ALPK2: variants seen among roughly 807,000 people sequenced by gnomAD.
The protein encoded by ALPK2 is alpha kinase 2.
ALPK2 carries 127 observed loss-of-function variants against 163.1 expected under a neutral mutation model. The ratio of observed to expected loss-of-function variants is 0.78; its 90% confidence interval spans 0.67 to 0.90. The LOEUF (loss-of-function observed/expected upper bound fraction) is 0.90. Ranked by LOEUF, ALPK2 falls within the 40% of genes least tolerant of loss-of-function variation. The probability of loss-of-function intolerance (pLI) is 0.00; values close to 1 mark genes in which losing one functional copy is unlikely to be tolerated. For synonymous variants in ALPK2, 953 were observed against 959.1 expected (o/e 0.99, Z 0.12); for missense variants, 2,360 against 2,589.6 (o/e 0.91, Z 1.92).
intron 3 of ALPK2, chr18:58,600,525 G>A (rs1339871574): frequency 1.3e-5 from 2 of 152,206 alleles, no homozygotes; most frequent in African/African-American, 4.8e-5. Context: ...TCAAACCAGA[G>A]TATCTTGAGG....
intron 1 of ALPK2, among the ~76,000 whole-genome samples, chr18:58,623,845 C>G (rs192705264): frequency 6.6e-6 from 1 of 151,878 alleles, no homozygotes; most frequent in African/African-American, 2.4e-5. Context: ...TTAAAGCATG[C>G]CCATCCTAAT....
chr18:58,488,017 T>G (rs1277543980), intron 12 of ALPK2, among the ~76,000 whole-genome samples: 1 of 152,164 alleles, frequency 6.6e-6, no homozygotes, highest in Non-Finnish European at 1.5e-5. Flanking sequence ...TGGAATTTTC[T>G]GCATTTCTAC....
intron 1 of ALPK2, among the ~76,000 whole-genome samples, chr18:58,625,243 C>T (rs1013266283): frequency 6.6e-6 from 1 of 151,900 alleles, no homozygotes; most frequent in African/African-American, 2.4e-5. Flanking sequence ...ATATTGTCCC[C>T]ACACTCAGTG....
Position 58,504,160 on chromosome 18 carries a change from G to A in ALPK2, c.6030-12C>T. 6.2e-7 allele frequency: 1 copy of A among 1,608,424 alleles called. No individual in the cohort carries two copies. Among genetic ancestry groups the A allele is most frequent in the Non-Finnish European group, 8.5e-7 (1 of 1,175,028 alleles). ...AAATAGGAATGATCCTGGCAGGGAA[G>A]AGAACACAGGCGCACATCAAGGTCT... On this transcript the variant is annotated splice_polypyrimidine_tract_variant and intron_variant, in intron 10 of 12. Transcript: ENST00000361673.
intron 4 of ALPK2, among the ~76,000 whole-genome samples, chr18:58,572,747 A>G (rs1018604776): frequency 1.4e-4 from 21 of 152,190 alleles, no homozygotes; most frequent in Admixed American, 9.8e-4. Context: ...ATGGTTATTA[A>G]GGGTAATGCA....
intron 8 of ALPK2, among the ~76,000 whole-genome samples, chr18:58,522,901 C>T (rs1188157927): frequency 1.3e-5 from 2 of 151,512 alleles, no homozygotes; most frequent in African/African-American, 2.4e-5. Context: ...ATTGTCATTT[C>T]TTTCTCTTTT....
intron 2 of ALPK2, 94 bp from the exon 3 acceptor site, chr18:58,607,533 A>C (rs959405507): frequency 1.4e-6 from 1 of 734,428 alleles, no homozygotes; most frequent in Non-Finnish European, 2.2e-6. Flanking sequence ...ATGGACAGTA[A>C]GCAACAGGGA....
chr18:58,573,119 C>T (rs1602224116), intron 4 of ALPK2, among the ~76,000 whole-genome samples: 1 of 151,612 alleles, frequency 6.6e-6, no homozygotes, highest in Middle Eastern at 3.4e-3. Flanking sequence ...AAACATTATA[C>T]TTAGTGTATT....
At chr18:58,602,595 TC>T (rs2144222625) in intron 3 of ALPK2, among the ~76,000 whole-genome samples, 1 of 152,280 alleles carries the variant, frequency 6.6e-6, no homozygotes, top group Admixed American at 6.5e-5. Context: ...GGCTCTGTTT[TC>T]CCTTTTTAAA....
At chr18:58,609,921 G>A (rs2052118736) in intron 2 of ALPK2, among the ~76,000 whole-genome samples, 1 of 152,172 alleles carries the variant, frequency 6.6e-6, no homozygotes, top group South Asian at 2.1e-4. Flanking sequence ...GACCATCACG[G>A]AGACAGAAGC....
intron 3 of ALPK2, among the ~76,000 whole-genome samples, chr18:58,588,878 T>C (rs573555437): frequency 6.6e-6 from 1 of 152,332 alleles, no homozygotes; most frequent in South Asian, 2.1e-4. Flanking sequence ...CTATTGTGAA[T>C]GGTGCTGCAA....
intron 4 of ALPK2, among the ~76,000 whole-genome samples, chr18:58,565,473 C>T (rs1477650393): frequency 6.6e-6 from 1 of 152,118 alleles, no homozygotes; most frequent in African/African-American, 2.4e-5. Context: ...CCTAATTACT[C>T]ATAAGGTTGA....
At chr18:58,497,411 A>C (rs1477497448) in intron 12 of ALPK2, among the ~76,000 whole-genome samples, 1 of 152,194 alleles carries the variant, frequency 6.6e-6, no homozygotes, top group Non-Finnish European at 1.5e-5. Context: ...CAGTCAAGTA[A>C]AGAAGTGGGA....
At chr18:58,482,238 A>G (rs1002104545) in intron 12 of ALPK2, among the ~76,000 whole-genome samples, 199 bp from the exon 13 acceptor site, 7 of 152,218 alleles carry the variant, frequency 4.6e-5, no homozygotes, top group Non-Finnish European at 8.8e-5. Context: ...AAAGGCAAAG[A>G]TCTGCTGGCA....
chr18:58,583,054 G>A (rs1038080132), intron 3 of ALPK2, among the ~76,000 whole-genome samples: 2 of 152,148 alleles, frequency 1.3e-5, no homozygotes, highest in Admixed American at 6.5e-5. Flanking sequence ...GAAAAGACCT[G>A]GAAAGGGAAG....
rs2051572086 is a variant in ALPK2, at chr18:58,524,162, CAT to C, written c.5502-102_5502-101del. On this transcript the variant is annotated intron_variant, in intron 6 of 12. Transcript: ENST00000361673. ...AAAGAAGCTAAGACTTCCCTGCTCA[CAT>C]GTTTTCAGCCAGTGAGCTGCCCAAA... is the stretch of plus-strand genomic sequence containing the variant. The C allele has an allele frequency of 9.5e-6, 14 of 1,474,918 alleles. No individual in the cohort carries two copies. In the South Asian group the frequency reaches 1.6e-4, roughly 16 times the overall value. The allele number at this position is 1,474,918 out of a possible 1,614,324, so 91.4% of individuals were successfully genotyped here.
Position 58,611,901 on chromosome 18 carries a change from C to T in ALPK2, c.-20-84G>A. ...TAGGAATTCCAGAAACCACAGGGTGCCGCCCTGGCAGCTCACTGCACGCTG... is the reference window on the plus strand; with the variant it reads ...TAGGAATTCCAGAAACCACAGGGTGTCGCCCTGGCAGCTCACTGCACGCTG... On this transcript the variant is annotated intron_variant, in intron 1 of 12. Transcript: ENST00000361673. The T allele has an allele frequency of 5.8e-6, 5 of 864,822 alleles. No individual in the cohort carries two copies. In the South Asian group the frequency reaches 7.3e-5, roughly 13 times the overall value. The allele number at this position is 864,822 out of a possible 1,614,324, so 53.6% of individuals were successfully genotyped here. A position where few individuals can be genotyped will look rare whatever the true frequency, so the allele number is the denominator to read the frequency against.
chr18:58,562,333 C>T (rs901733071), intron 4 of ALPK2, among the ~76,000 whole-genome samples: 2 of 152,214 alleles, frequency 1.3e-5, no homozygotes, highest in African/African-American at 4.8e-5. Context: ...TAAAAATTTA[C>T]CTCCAAGATG....
At chr18:58,532,158 T>C (rs535224552) in intron 5 of ALPK2, among the ~76,000 whole-genome samples, 11 of 152,262 alleles carry the variant, frequency 7.2e-5, no homozygotes, top group African/African-American at 2.4e-4. Context: ...ATGTCCTTAA[T>C]AAATGGATGA....
Sources: allele counts gnomAD v4.1 joint callset (sites outside exome capture counted in the v4.1 genomes callset), GRCh38; gene constraint gnomAD v4.1.1; transcripts MANE v1.5; gene names NCBI Gene and HGNC (gene_info 2026-07-23, HGNC 2026-07-21).